Variants in ZFAND5 observed in about 807,000 individuals in gnomAD.
ZFAND5 encodes AN1-type zinc finger protein 5.
A neutral mutation model predicts 23.6 loss-of-function variants in ZFAND5; 4 were observed. The ratio of observed to expected loss-of-function variants is 0.17; its 90% CI spans 0.08 to 0.39. The LOEUF (loss-of-function observed/expected upper bound fraction) is 0.39. Ranked by LOEUF, ZFAND5 falls within the 10% of genes least tolerant of loss-of-function variation. The pLI, the probability that ZFAND5 is intolerant of heterozygous loss-of-function variation, is 1.00. For synonymous variants in ZFAND5, 68 were observed against 80.6 expected, an observed-to-expected ratio of 0.84 and a Z score of 0.84; for missense variants, 161 against 253.7, an observed-to-expected ratio of 0.63 and a Z score of 2.48.
intron 3 of ZFAND5, chr9:72,360,426 AG>A: frequency 1.2e-6 from 1 of 860,886 alleles, no homozygotes; most frequent in Non-Finnish European, 1.8e-6. Flanking sequence ...ACCCCAAAAA[AG>A]AAAACTGAAA....
rs1841806269 is a variant in ZFAND5, at chr9:72,352,621, A to G, written c.*3332T>C. ...ACTTTATTTAATGCAGATCTCTTGC[A>G]AAGAAAGCCTTACGGAAAAGAATGA... On this transcript the variant is annotated 3_prime_UTR_variant, in exon 7 of 7. Coordinates refer to ENST00000376962, the MANE Select transcript of ZFAND5 (RefSeq NM_001102420.3). The G allele has an allele frequency of 6.6e-6, 1 of 152,244 alleles. No individual in the cohort carries two copies. Among genetic ancestry groups the G allele is most frequent in the Non-Finnish European group, 1.5e-5 (1 of 68,038 alleles). 9.4% of individuals were successfully genotyped at this position (152,244 alleles called of 1,614,324 possible).
chr9:72,354,715 C>T lies in ZFAND5; in HGVS notation c.*1238G>A, dbSNP rs540562166. On this transcript the variant is annotated 3_prime_UTR_variant, in exon 7 of 7. Coordinates refer to ENST00000376962, the MANE Select transcript of ZFAND5 (RefSeq NM_001102420.3). Reference sequence around the variant, plus strand: ...TATTTACAGATGAAAACAGGCATTACCACAACACTAACTATACTCATTTAT... The same window carrying T: ...TATTTACAGATGAAAACAGGCATTATCACAACACTAACTATACTCATTTAT... 12 of 152,652 alleles carry T rather than the reference C, an allele frequency of 7.9e-5. No homozygotes were observed. The East Asian group carries it at 2.3e-3, about 30-fold the overall frequency. The allele number at this position is 152,652 out of a possible 1,614,324, so 9.5% of individuals were successfully genotyped here.
At chr9:72,364,456 C>T (rs1046434591) in intron 1 of ZFAND5, 9 of 1,275,002 alleles carry the variant, frequency 7.1e-6, no homozygotes, top group Non-Finnish European at 9.2e-6. Context: ...TGCATTGTTT[C>T]CCGACCGTGC....
Position 72,357,033 on chromosome 9 carries a change from C to A in ZFAND5, c.391G>T (p.Val131Phe), listed in dbSNP as rs1338124309. 1 of 1,613,362 alleles carries A rather than the reference C, an allele frequency of 6.2e-7. No homozygotes were observed. The highest frequency in any genetic ancestry group is 8.5e-7 in the Non-Finnish European group (1 of 1,179,586). ...EPVVTQPSPS[V>F]SQPSTSQSEE... The stretch of plus-strand genomic sequence containing the variant: ...CTCTGAGAAGTACTGGGCTGAGAAA[C>A]TGATGGACTGGGCTGAGTGACAACT... Residue 131 changes from valine to phenylalanine, a missense_variant, in exon 6 of 7, where the codon GTT becomes TTT. By Grantham distance (50) the Val-to-Phe change is conservative (BLOSUM62 -1). Around this residue, in one of 3 missense-constraint regions of ZFAND5, gnomAD observed 116 missense variants for 115.2 expected, o/e 1.01. Transcript: ENST00000376962.
At chr9:72,361,603 T>C (rs1428777153) in intron 2 of ZFAND5, among the ~76,000 whole-genome samples, 2 of 152,216 alleles carry the variant, frequency 1.3e-5, no homozygotes, top group African/African-American at 4.8e-5. Context: ...TGTATTAAAG[T>C]CAATATATAC....
chr9:72,356,812 A>C, intron 6 of ZFAND5, 119 bp downstream of exon 6: 1 of 1,252,728 alleles, frequency 8.0e-7, no homozygotes, highest in Non-Finnish European at 1.0e-6. Context: ...CCTAGACTAC[A>C]GCTAGTCAGG....
intron 5 of ZFAND5, among the ~76,000 whole-genome samples, chr9:72,358,852 A>G (rs1168904464): frequency 1.3e-5 from 2 of 152,140 alleles, no homozygotes; most frequent in Non-Finnish European, 2.9e-5. Context: ...AGGGCCTAGT[A>G]CAGGTAATTC....
rs1394865074 is a variant in ZFAND5 at position 72,353,709 on chromosome 9, G to C, written c.*2244C>G. 1 of 150,292 alleles carries C rather than the reference G, an allele frequency of 6.7e-6. No homozygotes were observed. Among genetic ancestry groups the C allele is most frequent in the Non-Finnish European group, 1.5e-5 (1 of 67,752 alleles). The allele number at this position is 150,292 out of a possible 1,614,324, so 9.3% of individuals were successfully genotyped here. On this transcript the variant is annotated 3_prime_UTR_variant, in exon 7 of 7. Coordinates refer to ENST00000376962, the MANE Select transcript of ZFAND5 (RefSeq NM_001102420.3). ...ACCTTCAGAGTGATGGAGTCCGAGG[G>C]CTCATCTTACCTTCTCTATACCACT...
intron 2 of ZFAND5, among the ~76,000 whole-genome samples, chr9:72,361,798 AGTT>A (rs1452007721): frequency 6.6e-6 from 1 of 152,224 alleles, no homozygotes; most frequent in African/African-American, 2.4e-5. Flanking sequence ...TTTAAAATAA[AGTT>A]GTGGAGGGTT....
At chr9:72,362,401 G>C (rs896734314) in intron 2 of ZFAND5, among the ~76,000 whole-genome samples, 29 of 152,210 alleles carry the variant, frequency 1.9e-4, no homozygotes, top group Non-Finnish European at 1.3e-4. Flanking sequence ...ATGAAAGTTG[G>C]GTCACTCCTT....
At chr9:72,357,145 A>G in intron 5 of ZFAND5, 89 bp from the exon 6 acceptor site, 1 of 1,471,746 alleles carries the variant, frequency 6.8e-7, no homozygotes, top group Non-Finnish European at 9.2e-7. Context: ...AAACAGGAAG[A>G]TGCCTGATAA....
chr9:72,356,259 A>G (rs1400878610), intron 6 of ZFAND5, among the ~76,000 whole-genome samples, 158 bp from the exon 7 acceptor site: 1 of 152,326 alleles, frequency 6.6e-6, no homozygotes, highest in East Asian at 1.9e-4. Flanking sequence ...GACACAGTCA[A>G]CTCTTACAGA....
chr9:72,360,796 G>A lies in ZFAND5; in HGVS notation c.-9-9C>T, dbSNP rs1351361410. 10 of 1,565,550 alleles carry A rather than the reference G, an allele frequency of 6.4e-6. No individual in the cohort carries two copies. The highest frequency in any genetic ancestry group is 2.3e-5 in the East Asian group (1 of 43,990). ...TGAGCCATATTTTTCTGCTATAGAT[G>A]AAACGAAATTTCAGAAATTAGTGTT... On this transcript the variant is annotated splice_polypyrimidine_tract_variant and intron_variant, in intron 2 of 6. Coordinates refer to ENST00000376962, the MANE Select transcript of ZFAND5 (RefSeq NM_001102420.3).
intron 1 of ZFAND5, chr9:72,364,293 G>T: frequency 1.4e-6 from 1 of 714,740 alleles, no homozygotes; most frequent in Non-Finnish European, 1.8e-6. Context: ...ACCCCGAACG[G>T]CTCCTCTTAG....
At chr9:72,359,367 T>A (rs759615980) in intron 5 of ZFAND5, 51 bp downstream of exon 5, 381 of 1,577,570 alleles carry the variant, frequency 2.4e-4, no homozygotes, top group Non-Finnish European at 3.1e-4. Context: ...CACCAGCCAT[T>A]TCTTGCACTA....
chr9:72,364,640 G>A, intron 1 of ZFAND5, 56 bp downstream of exon 1: 2 of 1,158,846 alleles, frequency 1.7e-6, no homozygotes, highest in Non-Finnish European at 2.2e-6. Context: ...CTTCACTCCC[G>A]CCCCCGGCCC....
rs1030501622 is a variant in ZFAND5 at position 72,359,989 on chromosome 9, A to G, written c.263+121T>C. The G allele has an allele frequency of 5.3e-6, 4 of 755,808 alleles. No homozygotes were observed. In the East Asian group the frequency reaches 1.1e-4, roughly 20 times the overall value. 46.8% of individuals were successfully genotyped at this position (755,808 alleles called of 1,614,324 possible). A position where few individuals can be genotyped will look rare whatever the true frequency, so the allele number is the denominator to read the frequency against. On this transcript the variant is annotated intron_variant, in intron 4 of 6. Transcript: ENST00000376962. The stretch of plus-strand genomic sequence containing the variant: ...TCAATGACTTAAGAGTCATGTATTA[A>G]AAGACACTGAAATCCTCGATTGCAA...
At chr9:72,356,367 C>G (rs991006515) in intron 6 of ZFAND5, among the ~76,000 whole-genome samples, 1 of 152,154 alleles carries the variant, frequency 6.6e-6, no homozygotes, top group African/African-American at 2.4e-5. Context: ...AGGGCAATAG[C>G]GAAGTGTTTG....
Position 72,359,367 on chromosome 9 carries a change from T to G in ZFAND5, c.367+51A>C, listed in dbSNP as rs759615980. The G allele has an allele frequency of 5.7e-6, 9 of 1,577,570 alleles. No individual in the cohort carries two copies. In the East Asian group the frequency reaches 1.8e-4, roughly 32 times the overall value. On this transcript the variant is annotated intron_variant, in intron 5 of 6. Coordinates refer to ENST00000376962, the MANE Select transcript of ZFAND5 (RefSeq NM_001102420.3). ...AGGAAAGAATCCCCCCACCAGCCATTTCTTGCACTATCAAATTCAGAACTG... is the reference window on the plus strand; with the variant it reads ...AGGAAAGAATCCCCCCACCAGCCATGTCTTGCACTATCAAATTCAGAACTG...
Sources: gnomAD v4.1 joint callset for allele counts (sites outside exome capture counted in the v4.1 genomes callset) on GRCh38, gnomAD v4.1.1 for gene constraint, gnomAD v4.1.1 regional missense constraint, MANE v1.5 for transcripts, NCBI Gene and HGNC (gene_info 2026-07-23, HGNC 2026-07-21) for gene names.